Variants in MED12L observed in about 807,000 individuals in gnomAD.
MED12L encodes mediator of RNA polymerase II transcription subunit 12-like protein.
Under a neutral mutation model 281.3 loss-of-function variants are expected in MED12L, and 60 were observed. The ratio of observed to expected loss-of-function variants is 0.21; its 90% CI spans 0.17 to 0.26. The LOEUF (loss-of-function observed/expected upper bound fraction) is 0.26. Ranked by LOEUF, MED12L falls within the 10% of genes least tolerant of loss-of-function variation. MED12L has a pLI of 1.00. For synonymous variants in MED12L, 974 were observed against 987.2 expected (o/e 0.99, Z 0.25); for missense variants, 2,146 against 2,680.9 (o/e 0.80, Z 4.41).
At chr3:151,296,692 C>T (rs1006478436) in intron 16 of MED12L, among the ~76,000 whole-genome samples, 4 of 151,946 alleles carry the variant, frequency 2.6e-5, no homozygotes, top group Non-Finnish European at 4.4e-5. Flanking sequence ...GCCATTTAAG[C>T]ACATTTTATC....
intron 43 of MED12L, among the ~76,000 whole-genome samples, chr3:151,416,677 A>G (rs1027341615): frequency 6.6e-6 from 1 of 152,136 alleles, no homozygotes; most frequent in Non-Finnish European, 1.5e-5. Flanking sequence ...CACAGACAAA[A>G]TTTTTTACAT....
At chr3:151,213,697 G>C in intron 16 of MED12L, 4 of 1,614,200 alleles carry the variant, frequency 2.5e-6, no homozygotes, top group East Asian at 2.2e-5. Flanking sequence ...TGTGATAGCA[G>C]TATAGAAAAC....
At chr3:151,293,576 T>TAC (rs55846173) in intron 16 of MED12L, among the ~76,000 whole-genome samples, 11,018 of 76,108 alleles carry the variant, frequency 0.14, 1,371 homozygotes, top group Admixed American at 0.19. Flanking sequence ...ATGAAGCCCT[T>TAC]ACACACACAC....
chr3:151,380,751 C>G (rs1712159293), intron 32 of MED12L, among the ~76,000 whole-genome samples: 1 of 152,170 alleles, frequency 6.6e-6, no homozygotes, highest in African/African-American at 2.4e-5. Context: ...TGTGTACTGC[C>G]TATAAAAGTA....
chr3:151,397,908 C>G (rs1715189632), intron 39 of MED12L, among the ~76,000 whole-genome samples: 1 of 152,178 alleles, frequency 6.6e-6, no homozygotes, highest in Non-Finnish European at 1.5e-5. Context: ...TTTTGGAATT[C>G]AGCAGATGCT....
chr3:151,243,241 G>A (rs1293306343), intron 16 of MED12L, among the ~76,000 whole-genome samples: 8 of 151,926 alleles, frequency 5.3e-5, no homozygotes, highest in East Asian at 3.9e-4. Context: ...GCAGGCCAAC[G>A]TTCAGATTCA....
At position 151,409,308 on chromosome 3, in the gene MED12L, G is replaced by C. The variant is rs753466604; in HGVS notation, c.5886G>C (p.Gln1962His). The part of the protein sequence containing the change: ...AQARPSPQLP[Q>H]YPGLQQAQTM... ...CACGGCCCTCCCCTCAGCTCCCTCA[G>C]TATCCAGGGCTGCAGCAAGCACAGG... is the stretch of plus-strand genomic sequence containing the variant. Residue 1962 changes from glutamine to histidine, a missense_variant, in exon 40 of 45, where the codon CAG becomes CAC. Transcript: ENST00000687756. The C allele has an allele frequency of 1.9e-6, 3 of 1,613,970 alleles. No homozygotes were observed. Among genetic ancestry groups the C allele is most frequent in the African/African-American group, 2.7e-5 (2 of 75,040 alleles).
In MED12L at chr3:151,378,155, A is replaced by C. The variant is rs754093067; in HGVS notation, c.4460A>C (p.Asp1487Ala). The C allele has an allele frequency of 6.2e-6, 10 of 1,608,162 alleles. No homozygotes were observed. The highest frequency in any genetic ancestry group is 7.6e-6 in the Non-Finnish European group (9 of 1,176,806). The change falls in exon 31 of 45, where the codon GAC becomes GCC. Residue 1487 changes from aspartate (D) to alanine (A), a missense_variant. By Grantham distance (126) the Asp-to-Ala change is moderately radical. Around this residue, in one of 9 missense-constraint regions of MED12L, gnomAD observed 212 missense variants for 340.8 expected, o/e 0.62. Transcript: ENST00000687756. ...GGTTCTTCTTCCAAAAAGGAAAGGG[A>C]CAGACAGAAACAGAAAAGGTGTGGC... ...HLGSSSKKER[D>A]RQKQKSMSLL...
rs144485783 is a variant in MED12L, at chr3:151,319,229, A to G, written c.2251-30830A>G. ...GCAAAGAGCAGCTAACAGCCAGCCC[A>G]TAGCTTTATTATTGTTCACATAATC... On this transcript the variant is annotated intron_variant, in intron 16 of 44. Transcript: ENST00000687756. Among the ~76,000 whole-genome samples, 85 of 152,300 alleles carry G rather than the reference A, an allele frequency of 5.6e-4. 2 individuals are homozygous for G. The East Asian group carries it at 0.016, about 29-fold the overall frequency.
chr3:151,164,729 C>G (rs1194465812), intron 9 of MED12L, among the ~76,000 whole-genome samples: 1 of 151,938 alleles, frequency 6.6e-6, no homozygotes, highest in East Asian at 1.9e-4. Flanking sequence ...AACCATCATT[C>G]TCAGCAAACT....
intron 2 of MED12L, among the ~76,000 whole-genome samples, chr3:151,088,167 A>G (rs1376256920): frequency 6.6e-6 from 1 of 152,194 alleles, no homozygotes; most frequent in Non-Finnish European, 1.5e-5. Flanking sequence ...TCTTGCTTAT[A>G]AAGTGTCTGA....
intron 16 of MED12L, among the ~76,000 whole-genome samples, chr3:151,333,289 A>T (rs1016674638): frequency 3.9e-5 from 6 of 152,152 alleles, no homozygotes; most frequent in African/African-American, 1.4e-4. Context: ...GTTGAACGGT[A>T]ATTCTGTTTT....
Position 151,376,233 on chromosome 3 carries a change from G to T in MED12L, c.4053+19G>T. Reference sequence around the variant, plus strand: ...TCTTCAGGTCAGTCGTATACAGATTGTGTTTCTGTCATTTGATAAATTCTT... The same window carrying T: ...TCTTCAGGTCAGTCGTATACAGATTTTGTTTCTGTCATTTGATAAATTCTT... On this transcript the variant is annotated intron_variant, in intron 28 of 44. Coordinates refer to ENST00000687756, the MANE Select transcript of MED12L (RefSeq NM_001393769.1). 2.9e-6 allele frequency: 4 copies of T among 1,379,772 alleles called. No individual in the cohort carries two copies. The highest frequency in any genetic ancestry group is 3.8e-6 in the Non-Finnish European group (4 of 1,056,080). 85.5% of individuals were successfully genotyped at this position (1,379,772 alleles called of 1,614,324 possible). A position where few individuals can be genotyped will look rare whatever the true frequency, so the allele number is the denominator to read the frequency against.
intron 16 of MED12L, among the ~76,000 whole-genome samples, chr3:151,232,315 G>A (rs957243175): frequency 1.3e-5 from 2 of 152,152 alleles, no homozygotes; most frequent in African/African-American, 2.4e-5. Flanking sequence ...ACCAATGTGT[G>A]GAAGTGTTCT....
intron 16 of MED12L, among the ~76,000 whole-genome samples, chr3:151,283,675 C>T (rs1743103169): frequency 6.6e-6 from 1 of 152,160 alleles, no homozygotes; most frequent in East Asian, 1.9e-4. Flanking sequence ...AGTACATACT[C>T]AGAAGTATTT....
At chr3:151,201,659 A>G (rs1210076274) in intron 16 of MED12L, among the ~76,000 whole-genome samples, 1 of 152,152 alleles carries the variant, frequency 6.6e-6, no homozygotes, top group Non-Finnish European at 1.5e-5. Context: ...GCTTTAAGGA[A>G]GCTCCTCACA....
intron 16 of MED12L, among the ~76,000 whole-genome samples, chr3:151,282,318 T>A (rs1240627086): frequency 2.6e-5 from 4 of 152,182 alleles, no homozygotes; most frequent in Non-Finnish European, 5.9e-5. Context: ...ATTTTAACCA[T>A]AGCAGATATT....
chr3:151,182,065 A>T (rs1351124925), intron 11 of MED12L, among the ~76,000 whole-genome samples: 4 of 152,196 alleles, frequency 2.6e-5, no homozygotes. Flanking sequence ...AGATGACAAG[A>T]CACCTAAAGG....
chr3:151,317,673 A>AACTCCTG (rs1748463667), intron 16 of MED12L, among the ~76,000 whole-genome samples: 1 of 151,668 alleles, frequency 6.6e-6, no homozygotes, highest in African/African-American at 2.4e-5. Context: ...GCTGGTCCTG[A>AACTCCTG]ACTCCTGACC....
Sources: allele counts gnomAD v4.1 joint callset (sites outside exome capture counted in the v4.1 genomes callset), GRCh38; gene constraint gnomAD v4.1.1; regional missense constraint gnomAD v4.1.1; transcripts MANE v1.5; gene names NCBI Gene and HGNC (gene_info 2026-07-23, HGNC 2026-07-21).